Variants in SORCS2 observed in about 807,000 individuals in gnomAD.
SORCS2 encodes the protein sortilin related VPS10 domain containing receptor 2, also known as VPS10 domain-containing receptor SorCS2.
In SORCS2, 100 loss-of-function variants were observed where a neutral mutation model predicts 141.6. The observed-to-expected ratio is 0.71, with a 90% CI of 0.60 to 0.83. SORCS2 has a LOEUF of 0.83. SORCS2 is among the 40% of genes least tolerant of loss of function. SORCS2 has a pLI of 0.00. For missense variants in SORCS2, 1,646 were observed against 1,560.2 expected, an observed-to-expected ratio of 1.05 and a Z score of -0.93; for synonymous variants, 789 against 676.9, an observed-to-expected ratio of 1.17 and a Z score of -2.57.
intron 11 of SORCS2, among the ~76,000 whole-genome samples, chr4:7,690,907 TA>T (rs1724204912): frequency 6.6e-6 from 1 of 152,342 alleles, no homozygotes; most frequent in Admixed American, 6.5e-5. Context: ...GTGTACTGAT[TA>T]AATAATACCA....
At chr4:7,739,450 C>T (rs1377782631) in intron 26 of SORCS2, among the ~76,000 whole-genome samples, 1 of 152,120 alleles carries the variant, frequency 6.6e-6, no homozygotes, top group Non-Finnish European at 1.5e-5. Flanking sequence ...AAGAGTAATC[C>T]TAGTGGGGTA....
At chr4:7,399,711 A>G (rs942413185) in intron 2 of SORCS2, among the ~76,000 whole-genome samples, 1 of 152,202 alleles carries the variant, frequency 6.6e-6, no homozygotes, top group Non-Finnish European at 1.5e-5. Context: ...CTCACAAGCC[A>G]CAGAAGCCAC....
chr4:7,466,586 T>G (rs1416605756), intron 2 of SORCS2, among the ~76,000 whole-genome samples: 1 of 152,046 alleles, frequency 6.6e-6, no homozygotes, highest in Non-Finnish European at 1.5e-5. Flanking sequence ...TGGAAACCCA[T>G]GGAAAGGGGC....
At chr4:7,574,507 T>C (rs1715616832) in intron 3 of SORCS2, among the ~76,000 whole-genome samples, 1 of 151,874 alleles carries the variant, frequency 6.6e-6, no homozygotes, top group Non-Finnish European at 1.5e-5. Context: ...ATGCAGAATG[T>C]CAGGTCAGCG....
intron 8 of SORCS2, among the ~76,000 whole-genome samples, chr4:7,670,716 C>T (rs553154887): frequency 6.6e-6 from 1 of 152,334 alleles, no homozygotes; most frequent in South Asian, 2.1e-4. Context: ...AATGTCAGCT[C>T]TTAGCCTGGT....
chr4:7,610,552 C>G (rs945191725), intron 3 of SORCS2, among the ~76,000 whole-genome samples: 1 of 152,248 alleles, frequency 6.6e-6, no homozygotes, highest in East Asian at 1.9e-4. Context: ...AAGAAACAGC[C>G]GGGCCATAGC....
Position 7,451,565 on chromosome 4 carries a change from A to G in SORCS2, c.548+55210A>G, listed in dbSNP as rs560763569. ...GGGACCAGCCTTCCACACACCTGAC[A>G]TGCCCCCACTGGGCCATTCACGTGC... On this transcript the variant is annotated intron_variant, in intron 2 of 26. Coordinates refer to ENST00000507866, the MANE Select transcript of SORCS2 (RefSeq NM_020777.3). 1.4e-4 allele frequency among the ~76,000 whole-genome samples: 22 copies of G among 152,360 alleles called. 1 individual carries two copies. The South Asian group carries it at 4.6e-3, about 32-fold the overall frequency.
At chr4:7,385,343 G>C (rs1301418819) in intron 1 of SORCS2, among the ~76,000 whole-genome samples, 3 of 152,208 alleles carry the variant, frequency 2.0e-5, no homozygotes, top group Admixed American at 2.0e-4. Flanking sequence ...TAGAGGATGA[G>C]GGTGCAATGG....
chr4:7,327,432 G>C (rs34261648), intron 1 of SORCS2, among the ~76,000 whole-genome samples: 26,702 of 152,196 alleles, frequency 0.18, 2,755 homozygotes, highest in East Asian at 0.43. Flanking sequence ...ACACAGGGAC[G>C]GGATTAGTAT....
At chr4:7,614,307 C>T (rs905091904) in intron 3 of SORCS2, among the ~76,000 whole-genome samples, 2 of 150,960 alleles carry the variant, frequency 1.3e-5, no homozygotes, top group Non-Finnish European at 3.0e-5. Flanking sequence ...TTCATCCACT[C>T]TTCCACCATC....
At chr4:7,733,536 G>A in intron 24 of SORCS2, 115 bp downstream of exon 24, 1 of 840,984 alleles carries the variant, frequency 1.2e-6, no homozygotes, top group Non-Finnish European at 1.8e-6. Context: ...CCTGGTGGGT[G>A]TTCGCCTCTG....
intron 2 of SORCS2, among the ~76,000 whole-genome samples, chr4:7,459,286 T>C (rs1054942096): frequency 1.3e-5 from 2 of 152,010 alleles, no homozygotes; most frequent in African/African-American, 2.4e-5. Context: ...CCCCTAAGTA[T>C]TGCTATGGAG....
intron 2 of SORCS2, among the ~76,000 whole-genome samples, chr4:7,403,998 T>TATATATATATATATATA (rs59841056): frequency 6.8e-3 from 83 of 12,228 alleles, no homozygotes; most frequent in Non-Finnish European, 8.6e-3. Context: ...TATATATATA[T>TATATATATATATATATA]TTTTTTTTTT....
intron 2 of SORCS2, among the ~76,000 whole-genome samples, chr4:7,435,821 G>T (rs1727260195): frequency 6.6e-6 from 1 of 152,260 alleles, no homozygotes; most frequent in Non-Finnish European, 1.5e-5. Flanking sequence ...GAGAAATCTG[G>T]AGTCAGCCTC....
chr4:7,696,041 C>T (rs1028874606), intron 11 of SORCS2, among the ~76,000 whole-genome samples: 1 of 152,028 alleles, frequency 6.6e-6, no homozygotes, highest in African/African-American at 2.4e-5. Context: ...GGTAAATGAA[C>T]TTAATAAGAC....
chr4:7,570,425 C>A (rs1353466535), intron 3 of SORCS2, among the ~76,000 whole-genome samples: 1 of 152,266 alleles, frequency 6.6e-6, no homozygotes, highest in East Asian at 1.9e-4. Context: ...TCACTAGTCA[C>A]TGAGGGTTCG....
At chr4:7,443,359 G>GT (rs1727798272) in intron 2 of SORCS2, among the ~76,000 whole-genome samples, 2 of 152,198 alleles carry the variant, frequency 1.3e-5, no homozygotes. Flanking sequence ...GCACCCGGGT[G>GT]TTTGTGGAGC....
chr4:7,721,473 A>T (rs11725654), intron 18 of SORCS2, among the ~76,000 whole-genome samples: 42,376 of 151,824 alleles, frequency 0.28, 7,026 homozygotes, highest in East Asian at 0.46. Flanking sequence ...CTTAAAAAAA[A>T]AATAATAGTA....
At chr4:7,564,514 G>A (rs528414728) in intron 3 of SORCS2, among the ~76,000 whole-genome samples, 8 of 152,350 alleles carry the variant, frequency 5.3e-5, no homozygotes, top group African/African-American at 1.7e-4. Context: ...ATAGGGTCAT[G>A]TTCTGAGGGA....
Sources: gnomAD v4.1 joint callset for allele counts (sites outside exome capture counted in the v4.1 genomes callset) on GRCh38, gnomAD v4.1.1 for gene constraint, MANE v1.5 for transcripts, NCBI Gene and HGNC (gene_info 2026-07-23, HGNC 2026-07-21) for gene names.